PPARGC1A: variants seen among roughly 807,000 people sequenced by gnomAD.
PPARGC1A encodes the protein PPARG coactivator 1 alpha.
PPARGC1A carries 25 observed loss-of-function variants against 88.7 expected under a neutral mutation model. That is an observed-to-expected ratio of 0.28 (90% CI 0.21 to 0.39). PPARGC1A has a LOEUF of 0.39. Among genes scored for constraint, PPARGC1A ranks in the 10% least tolerant of loss-of-function variants. The probability of loss-of-function intolerance (pLI) is 1.00; values close to 1 mark genes in which losing one functional copy is unlikely to be tolerated. For synonymous variants in PPARGC1A, 363 were observed against 355.6 expected, an observed-to-expected ratio of 1.02 and a Z score of -0.24; for missense variants, 880 against 968.7, an observed-to-expected ratio of 0.91 and a Z score of 1.22.
At chr4:23,822,345 A>C (rs1324768853) in intron 7 of PPARGC1A, among the ~76,000 whole-genome samples, 2 of 151,994 alleles carry the variant, frequency 1.3e-5, no homozygotes, top group African/African-American at 2.4e-5. Context: ...GTTTTCCCTG[A>C]AGGCTCTCCA....
At chr4:23,829,749 G>T in intron 3 of PPARGC1A, 164 bp from the exon 4 acceptor site, 2 of 559,674 alleles carry the variant, frequency 3.6e-6, no homozygotes, top group Non-Finnish European at 5.2e-6. Context: ...CAGGAAATAT[G>T]ATATTTAAAG....
chr4:24,455,008 G>A, the PPARGC1A span, among the ~76,000 whole-genome samples: 1 of 152,136 alleles, frequency 6.6e-6, no homozygotes, highest in African/African-American at 2.4e-5. Flanking sequence ...TTAGGGAGAA[G>A]AGGAAACCGA....
the PPARGC1A span, among the ~76,000 whole-genome samples, chr4:24,306,816 G>A: frequency 1.2e-4 from 18 of 152,174 alleles, no homozygotes; most frequent in Non-Finnish European, 2.4e-4. Flanking sequence ...AAGGAGGAAG[G>A]TGGAACAGCT....
the PPARGC1A span, among the ~76,000 whole-genome samples, chr4:23,944,633 CGTGTGAGGCACCTG>C: frequency 6.6e-6 from 1 of 152,164 alleles, no homozygotes; most frequent in Non-Finnish European, 1.5e-5. Context: ...CCCCACATGT[CGTGTGAGGCACCTG>C]GTGGGAGGTA....
At chr4:24,142,543 G>A in the PPARGC1A span, among the ~76,000 whole-genome samples, 8 of 152,128 alleles carry the variant, frequency 5.3e-5, no homozygotes, top group African/African-American at 1.7e-4. Flanking sequence ...GTGTCATGGC[G>A]GGTGCCTGTT....
intron 2 of PPARGC1A, among the ~76,000 whole-genome samples, chr4:23,874,485 A>G (rs148114840): frequency 8.5e-4 from 130 of 152,178 alleles, no homozygotes; most frequent in African/African-American, 2.9e-3. Context: ...CTGTTTAAAC[A>G]TGGGCCAAGA....
At chr4:24,421,497 G>C in the PPARGC1A span, among the ~76,000 whole-genome samples, 1 of 152,054 alleles carries the variant, frequency 6.6e-6, no homozygotes, top group Non-Finnish European at 1.5e-5. Context: ...ATTTTTAGTA[G>C]AGACGGGGTT....
At chr4:24,000,456 G>C in the PPARGC1A span, among the ~76,000 whole-genome samples, 6 of 151,772 alleles carry the variant, frequency 4.0e-5, no homozygotes, top group African/African-American at 1.2e-4. Context: ...GCACATAATG[G>C]GGTCATCAGG....
the PPARGC1A span, among the ~76,000 whole-genome samples, chr4:24,375,207 T>A: frequency 6.6e-6 from 1 of 152,040 alleles, no homozygotes; most frequent in African/African-American, 2.4e-5. Context: ...AAAATCAGGT[T>A]GAGTTGGGTG....
Position 23,873,210 on chromosome 4 carries a change from T to G in PPARGC1A, c.234+11542A>C, listed in dbSNP as rs13106375. Reference sequence around the variant, plus strand: ...GAGACTCCGTCTCAAAAATAAAAAATAAAAAATAAAAAATAAAGAAAAAAA... The same window carrying G: ...GAGACTCCGTCTCAAAAATAAAAAAGAAAAAATAAAAAATAAAGAAAAAAA... On this transcript the variant is annotated intron_variant, in intron 2 of 12. Transcript: ENST00000264867. Among the ~76,000 whole-genome samples, 107 of 104,810 alleles carry G rather than the reference T, an allele frequency of 1.0e-3. 11 individuals carry two copies. Among genetic ancestry groups the G allele is most frequent in the East Asian group, 5.5e-3 (18 of 3,252 alleles). The allele number at this position is 104,810 out of a possible 152,430, so 68.8% of individuals were successfully genotyped here.
chr4:23,870,442 CT>C (rs1713056785), intron 2 of PPARGC1A, among the ~76,000 whole-genome samples: 1 of 152,184 alleles, frequency 6.6e-6, no homozygotes, highest in South Asian at 2.1e-4. Flanking sequence ...GGTTTGTCAA[CT>C]TTCTGTAGTT....
intron 1 of PPARGC1A, among the ~76,000 whole-genome samples, chr4:23,888,763 T>C (rs775218315): frequency 2.4e-4 from 36 of 152,302 alleles, no homozygotes; most frequent in Non-Finnish European, 4.3e-4. Flanking sequence ...TATTTTCACT[T>C]TAGATGTGTA....
the PPARGC1A span, among the ~76,000 whole-genome samples, chr4:24,260,608 G>T: frequency 1.3e-5 from 2 of 152,138 alleles, no homozygotes; most frequent in African/African-American, 4.8e-5. Flanking sequence ...ATAAGTTATG[G>T]TGTTAATTCT....
chr4:24,258,808 C>G, the PPARGC1A span, among the ~76,000 whole-genome samples: 3 of 152,212 alleles, frequency 2.0e-5, no homozygotes, highest in Non-Finnish European at 4.4e-5. Flanking sequence ...GTATTTTTAA[C>G]AGTCCTTTCT....
At chr4:24,052,664 G>A in the PPARGC1A span, among the ~76,000 whole-genome samples, 1 of 151,220 alleles carries the variant, frequency 6.6e-6, no homozygotes, top group Non-Finnish European at 1.5e-5. Context: ...ATATTCCCTG[G>A]AAAAAGTCTA....
At chr4:23,991,243 A>G in the PPARGC1A span, among the ~76,000 whole-genome samples, 1 of 152,072 alleles carries the variant, frequency 6.6e-6, no homozygotes, top group African/African-American at 2.4e-5. Flanking sequence ...TTGAGAAGGG[A>G]TGTAAAAGTC....
At chr4:23,807,325 A>G (rs1335738989) in intron 10 of PPARGC1A, among the ~76,000 whole-genome samples, 3 of 152,174 alleles carry the variant, frequency 2.0e-5, no homozygotes, top group Non-Finnish European at 2.9e-5. Flanking sequence ...ATAAATGCCT[A>G]CTACTAGGGG....
At chr4:24,063,734 G>C in the PPARGC1A span, among the ~76,000 whole-genome samples, 2 of 152,084 alleles carry the variant, frequency 1.3e-5, no homozygotes, top group Non-Finnish European at 2.9e-5. Context: ...GATGCTGTTC[G>C]AGCTTCCCCC....
the PPARGC1A span, among the ~76,000 whole-genome samples, chr4:24,274,411 T>C: frequency 6.6e-6 from 1 of 152,148 alleles, no homozygotes; most frequent in Non-Finnish European, 1.5e-5. Context: ...CAGACAGTGA[T>C]GATGATTCTA....
Sources: gnomAD v4.1 joint callset for allele counts (sites outside exome capture counted in the v4.1 genomes callset) on GRCh38, gnomAD v4.1.1 for gene constraint, MANE v1.5 for transcripts, NCBI Gene and HGNC (gene_info 2026-07-23, HGNC 2026-07-21) for gene names.